Variants in TESC observed in about 807,000 individuals in gnomAD.
The protein encoded by TESC is calcineurin B homologous protein 3.
A neutral mutation model predicts 31.0 loss-of-function variants in TESC; 19 were observed. That is an observed-to-expected ratio of 0.61 (90% confidence interval 0.43 to 0.90). TESC has a LOEUF of 0.90. Among genes scored for constraint, TESC ranks in the 40% least tolerant of loss-of-function variants. The pLI is 0.00. For missense variants in TESC, 248 were observed against 303.8 expected (o/e 0.82, Z 1.36); for synonymous variants, 109 against 114.8 (o/e 0.95, Z 0.32).
intron 1 of TESC, among the ~76,000 whole-genome samples, chr12:117,095,355 G>C (rs947030764): frequency 6.6e-6 from 1 of 152,142 alleles, no homozygotes; most frequent in South Asian, 2.1e-4. Flanking sequence ...TTATAGGCGT[G>C]AGCCACCACG....
Position 117,057,394 on chromosome 12 carries a change from C to T in TESC, c.129-508G>A, listed in dbSNP as rs148118645. Among the ~76,000 whole-genome samples, 350 of 152,270 alleles carry T rather than the reference C, an allele frequency of 2.3e-3. 1 individual carries two copies. The highest frequency in any genetic ancestry group is 0.011 in the East Asian group (56 of 5,174). ...GAGTTACAGGTGTGAGCCACTGGCC[C>T]GGCCTTGAGATATTTTTGAGAATCA... On this transcript the variant is annotated intron_variant, in intron 2 of 7. Transcript: ENST00000335209.
At chr12:117,039,239 A>G (rs1258165498) in intron 7 of TESC, 29 bp from the exon 8 acceptor site, 1 of 1,599,604 alleles carries the variant, frequency 6.3e-7, no homozygotes. Context: ...CGTTAAGGGC[A>G]CGTTCCCGCC....
intron 3 of TESC, among the ~76,000 whole-genome samples, chr12:117,055,665 C>G (rs2393124): frequency 0.45 from 68,572 of 152,074 alleles, 17,888 homozygotes; most frequent in African/African-American, 0.73. Flanking sequence ...TTCAGGGCTG[C>G]CTCTGGAGGA....
At chr12:117,056,921 A>C in intron 2 of TESC, 35 bp from the exon 3 acceptor site, 3 of 1,606,402 alleles carry the variant, frequency 1.9e-6, no homozygotes, top group Non-Finnish European at 2.6e-6. Context: ...CGGGAAGAGA[A>C]TAAGGAAAGA....
chr12:117,078,286 C>T (rs142244227), intron 1 of TESC, among the ~76,000 whole-genome samples: 39 of 152,094 alleles, frequency 2.6e-4, no homozygotes, highest in African/African-American at 8.9e-4. Context: ...GCCAACATGA[C>T]GAAACCCCAT....
rs147076036 is a variant in TESC at position 117,086,970 on chromosome 12, C to T, written c.59-11630G>A. On this transcript the variant is annotated intron_variant, in intron 1 of 7. Coordinates refer to ENST00000335209, the MANE Select transcript of TESC (RefSeq NM_017899.4). Reference sequence around the variant, plus strand: ...ATGCCTCCTGCGGCTACAGCCAAAACAATGACTAACCCTGGGCCTTGGGAG... The same window carrying T: ...ATGCCTCCTGCGGCTACAGCCAAAATAATGACTAACCCTGGGCCTTGGGAG... Among the ~76,000 whole-genome samples the T allele has an allele frequency of 5.6e-3, 853 of 152,316 alleles. 6 individuals are homozygous for T. The highest frequency in any genetic ancestry group is 0.019 in the African/African-American group (786 of 41,570).
chr12:117,057,911 G>C (rs1490796302), intron 2 of TESC, among the ~76,000 whole-genome samples: 1 of 152,074 alleles, frequency 6.6e-6, no homozygotes, highest in Non-Finnish European at 1.5e-5. Context: ...CAACACAAAT[G>C]AATCTAAAAA....
At chr12:117,066,493 T>G (rs558613896) in intron 2 of TESC, among the ~76,000 whole-genome samples, 6 of 151,594 alleles carry the variant, frequency 4.0e-5, no homozygotes. Flanking sequence ...TGCCTCAGCC[T>G]CCCGAGTAAC....
intron 2 of TESC, among the ~76,000 whole-genome samples, chr12:117,070,019 G>A (rs1342872266): frequency 6.6e-6 from 1 of 152,184 alleles, no homozygotes. Context: ...GGGTGCCAGG[G>A]GCCTTCACTA....
chr12:117,040,382 G>C (rs924318756), intron 7 of TESC, among the ~76,000 whole-genome samples: 1 of 152,350 alleles, frequency 6.6e-6, no homozygotes, highest in South Asian at 2.1e-4. Context: ...GGAAGGGCCA[G>C]CTGGTCCCAA....
rs1265957613 is a variant in TESC at position 117,075,913 on chromosome 12, A to ATATATGTG, written c.59-574_59-573insCACATATA. On this transcript the variant is annotated intron_variant, in intron 1 of 7. Coordinates refer to ENST00000335209, the MANE Select transcript of TESC (RefSeq NM_017899.4). ...TATATATATATATATATATATATATATGTGTGTGTGTATATATATATATAT... is the reference window on the plus strand; with the variant it reads ...TATATATATATATATATATATATATATATATGTGTGTGTGTGTGTATATATATATATAT... 4.4e-3 allele frequency among the ~76,000 whole-genome samples: 229 copies of ATATATGTG among 51,866 alleles called. 4 individuals carry two copies. Among genetic ancestry groups the ATATATGTG allele is most frequent in the Non-Finnish European group, 6.2e-3 (186 of 29,964 alleles). 34.0% of individuals were successfully genotyped at this position (51,866 alleles called of 152,430 possible).
At chr12:117,041,373 C>A (rs1044679481) in intron 7 of TESC, among the ~76,000 whole-genome samples, 3 of 151,996 alleles carry the variant, frequency 2.0e-5, no homozygotes, top group African/African-American at 7.3e-5. Context: ...CACTCTATCA[C>A]CCAGGATGGA....
intron 3 of TESC, among the ~76,000 whole-genome samples, chr12:117,053,162 C>T (rs1023951379): frequency 9.2e-5 from 14 of 152,226 alleles, no homozygotes; most frequent in African/African-American, 3.4e-4. Flanking sequence ...GAGGTCCCTG[C>T]CCCCTCCTTC....
At chr12:117,062,227 A>ATT (rs921531635) in intron 2 of TESC, among the ~76,000 whole-genome samples, 1 of 147,712 alleles carries the variant, frequency 6.8e-6, no homozygotes, top group Admixed American at 6.8e-5. Context: ...TATTTTCTTA[A>ATT]TTTTTTTTTT....
At chr12:117,050,155 G>A (rs1405790087) in intron 3 of TESC, among the ~76,000 whole-genome samples, 2 of 151,204 alleles carry the variant, frequency 1.3e-5, no homozygotes, top group Non-Finnish European at 2.9e-5. Flanking sequence ...AAAAAAAGTC[G>A]AATAGTATTT....
Position 117,049,807 on chromosome 12 carries a change from G to T in TESC, c.210-649C>A, listed in dbSNP as rs1279418344. Among the ~76,000 whole-genome samples, 11 of 151,132 alleles carry T rather than the reference G, an allele frequency of 7.3e-5. No homozygotes were observed. In the East Asian group the frequency reaches 9.8e-4, roughly 13 times the overall value. ...TCCCAGCTACTCGGGAGGCTGAGGC[G>T]AGAGAATCGCTTGAACTCAGGAGGT... On this transcript the variant is annotated intron_variant, in intron 3 of 7. Coordinates refer to ENST00000335209, the MANE Select transcript of TESC (RefSeq NM_017899.4).
intron 2 of TESC, among the ~76,000 whole-genome samples, chr12:117,074,050 C>T (rs1955016691): frequency 6.6e-6 from 1 of 152,032 alleles, no homozygotes; most frequent in African/African-American, 2.4e-5. Context: ...ATAGTGAGAC[C>T]CCCATCTCTA....
At chr12:117,069,313 C>T (rs961285200) in intron 2 of TESC, among the ~76,000 whole-genome samples, 1 of 152,172 alleles carries the variant, frequency 6.6e-6, no homozygotes, top group Non-Finnish European at 1.5e-5. Flanking sequence ...GATCTCAGCT[C>T]ATTGCGACCT....
chr12:117,049,392 G>T (rs1411914047), intron 3 of TESC, among the ~76,000 whole-genome samples: 1 of 152,218 alleles, frequency 6.6e-6, no homozygotes, highest in Non-Finnish European at 1.5e-5. Flanking sequence ...GGAGGTGGAA[G>T]AGAGAGAGAC....
Sources: gnomAD v4.1 joint callset for allele counts (sites outside exome capture counted in the v4.1 genomes callset) on GRCh38, gnomAD v4.1.1 for gene constraint, MANE v1.5 for transcripts, NCBI Gene and HGNC (gene_info 2026-07-23, HGNC 2026-07-21) for gene names.